The following LPO variants were observed in gnomAD, a reference collection of about 807,000 sequenced individuals.
LPO encodes lactoperoxidase.
A neutral mutation model predicts 68.4 loss-of-function variants in LPO; 70 were observed. The ratio of observed to expected loss-of-function variants is 1.02; its 90% CI spans 0.84 to 1.25. The LOEUF is 1.25. LPO is among the 50% of genes most tolerant of loss of function. The pLI is 0.00. For missense variants in LPO, 873 were observed against 908.4 expected, an observed-to-expected ratio of 0.96 and a Z score of 0.50; for synonymous variants, 360 against 357.6, an observed-to-expected ratio of 1.01 and a Z score of -0.08.
intron 9 of LPO, among the ~76,000 whole-genome samples, chr17:58,259,053 A>G (rs1383338573): frequency 2.0e-5 from 3 of 151,976 alleles, no homozygotes; most frequent in South Asian, 4.2e-4. Flanking sequence ...CCTCTTAAGA[A>G]GGTCTTTTGT....
chr17:58,246,162 C>G (rs1031901324), intron 3 of LPO, among the ~76,000 whole-genome samples: 6 of 152,124 alleles, frequency 3.9e-5, no homozygotes, highest in African/African-American at 1.4e-4. Context: ...GGTGGCATTC[C>G]AGGCACTGCA....
intron 9 of LPO, among the ~76,000 whole-genome samples, chr17:58,256,843 A>AG (rs1970082817): frequency 6.6e-6 from 1 of 150,682 alleles, no homozygotes; most frequent in Non-Finnish European, 1.5e-5. Context: ...AAAAAAAAAA[A>AG]GAATGAGGTA....
Position 58,266,225 on chromosome 17 carries a change from C to T in LPO, c.1592C>T (p.Thr531Ile), listed in dbSNP as rs771817309. ...CTGATGAAACAGAATAAAATGATGA[C>T]TGGAGAGCTGCGCAACAAGCTTTTC... The part of the protein sequence containing the change: ...SKLMKQNKMM[T>I]GELRNKLFQP... Residue 531 changes from threonine (T) to isoleucine (I), a missense_variant, in exon 11 of 13, where the codon ACT (threonine) becomes ATT (isoleucine). Physicochemically the swap from Thr to Ile is moderately conservative, Grantham distance 89 (BLOSUM62 -1). Transcript: ENST00000262290. The T allele has an allele frequency of 6.2e-7, 1 of 1,614,128 alleles. No homozygotes were observed. Among genetic ancestry groups the T allele is most frequent in the South Asian group, 1.1e-5 (1 of 91,082 alleles).
intron 5 of LPO, 91 bp downstream of exon 5, chr17:58,249,268 C>T (rs1969910831): frequency 2.5e-6 from 3 of 1,180,360 alleles, no homozygotes; most frequent in South Asian, 2.8e-5. Context: ...CTAGGCAGAT[C>T]TGCCACTGCC....
chr17:58,249,448 G>C, intron 5 of LPO, 118 bp from the exon 6 acceptor site: 10 of 1,419,840 alleles, frequency 7.0e-6, no homozygotes, highest in Non-Finnish European at 8.4e-6. Context: ...AAATTTGAGA[G>C]GCCCCCTTCT....
intron 9 of LPO, among the ~76,000 whole-genome samples, chr17:58,264,332 T>C (rs1416923739): frequency 6.6e-6 from 1 of 152,222 alleles, no homozygotes; most frequent in Non-Finnish European, 1.5e-5. Context: ...CTTTCCTCAG[T>C]TGCCCCTGAA....
chr17:58,267,968 T>C lies in LPO; in HGVS notation c.2113T>C (p.Ser705Pro), dbSNP rs747680064. ...DCSAIDKLDL[S>P]PWASVKN The stretch of plus-strand genomic sequence containing the variant: ...CTCAGCCATCGACAAGCTGGACCTG[T>C]CACCCTGGGCCTCAGTGAAGAATTA... Residue 705 changes from serine (S) to proline (P), a missense_variant, in exon 13 of 13, where the codon TCA (serine) becomes CCA (proline). By Grantham distance (74) the Ser-to-Pro change is moderately conservative. Coordinates refer to ENST00000262290, the MANE Select transcript of LPO (RefSeq NM_006151.3). 5.6e-6 allele frequency: 9 copies of C among 1,613,810 alleles called. No homozygotes were observed. In the South Asian group the frequency reaches 8.8e-5, roughly 16 times the overall value.
At chr17:58,242,368 A>G (rs1969774205) in intron 1 of LPO, among the ~76,000 whole-genome samples, 1 of 152,166 alleles carries the variant, frequency 6.6e-6, no homozygotes, top group African/African-American at 2.4e-5. Flanking sequence ...CAGTATTGCC[A>G]TCAAGTTGGC....
At chr17:58,260,006 A>G (rs932129196) in intron 9 of LPO, among the ~76,000 whole-genome samples, 2 of 151,728 alleles carry the variant, frequency 1.3e-5, no homozygotes, top group Admixed American at 1.3e-4. Context: ...GTAGAGACAG[A>G]GTTTCACCAT....
In LPO at chr17:58,243,055, G is replaced by C; in HGVS notation, c.76G>C (p.Ala26Pro). ...TCAGGCTGCAGCATCTACCACAAGA[G>C]GTGAGTGTCTCCCTTTACGGGTTTT... The part of the protein sequence containing the change: ...LLQAAASTTR[A>P]QTTRTSAISD... The change falls in exon 2 of 13, where the codon GCG (alanine) becomes CCG (proline). Residue 26 changes from alanine to proline, a missense_variant and splice_region_variant. Transcript: ENST00000262290. 6.2e-7 allele frequency: 1 copy of C among 1,613,860 alleles called. No homozygotes were observed. Among genetic ancestry groups the C allele is most frequent in the Non-Finnish European group, 8.5e-7 (1 of 1,179,994 alleles).
intron 3 of LPO, 115 bp from the exon 4 acceptor site, chr17:58,247,363 T>A: frequency 1.2e-6 from 1 of 842,584 alleles, no homozygotes. Flanking sequence ...TATTGGACAG[T>A]GCAGCAGCTG....
chr17:58,248,836 T>C (rs1357206778), intron 4 of LPO, among the ~76,000 whole-genome samples: 2 of 152,294 alleles, frequency 1.3e-5, no homozygotes, highest in East Asian at 3.9e-4. Context: ...CTTGGGCAAG[T>C]CTCTTGAACA....
chr17:58,264,518 A>G (rs1970223999), intron 9 of LPO, among the ~76,000 whole-genome samples: 1 of 152,256 alleles, frequency 6.6e-6, no homozygotes, highest in Non-Finnish European at 1.5e-5. Flanking sequence ...GACAAATCGT[A>G]AGAGATCAGC....
At chr17:58,252,086 A>G (rs1969968035) in intron 7 of LPO, 96 bp from the exon 8 acceptor site, 3 of 1,142,354 alleles carry the variant, frequency 2.6e-6, no homozygotes, top group South Asian at 1.4e-5. Context: ...GGAGGGTGCC[A>G]TCAGCATCTT....
At chr17:58,244,340 T>C (rs775360050) in intron 3 of LPO, 6 of 478,598 alleles carry the variant, frequency 1.3e-5, no homozygotes, top group Non-Finnish European at 2.2e-5. Flanking sequence ...AGGACTTTCT[T>C]CCACGTGGCC....
rs778807820 is a variant in LPO, at chr17:58,252,219, A to C, written c.818A>C (p.Lys273Thr). 16 of 1,614,016 alleles carry C rather than the reference A, an allele frequency of 9.9e-6. No individual in the cohort carries two copies. Among genetic ancestry groups the C allele is most frequent in the Admixed American group, 1.7e-5 (1 of 59,992 alleles). ...GACCCCAAGGCGGGGACTCAAGGGA[A>C]ATGCATGCCTTTCTTCCGAGCTGGG... ...PNDPKAGTQG[K>T]CMPFFRAGFV... The change falls in exon 8 of 13, where the codon AAA becomes ACA. Residue 273 changes from lysine (K) to threonine (T), a missense_variant. By Grantham distance (78) the Lys-to-Thr change is moderately conservative (BLOSUM62 -1). Transcript: ENST00000262290.
At chr17:58,265,158 G>A (rs1436114815) in intron 10 of LPO, among the ~76,000 whole-genome samples, 184 bp downstream of exon 10, 1 of 152,138 alleles carries the variant, frequency 6.6e-6, no homozygotes, top group Non-Finnish European at 1.5e-5. Context: ...ATCTCACGAG[G>A]CTATCCAAAA....
At chr17:58,262,971 A>C (rs1019898498) in intron 9 of LPO, among the ~76,000 whole-genome samples, 2 of 152,104 alleles carry the variant, frequency 1.3e-5, no homozygotes, top group African/African-American at 4.8e-5. Flanking sequence ...TGAATGCCAG[A>C]TCTTTTGTTA....
At chr17:58,262,623 C>T (rs1036823478) in intron 9 of LPO, among the ~76,000 whole-genome samples, 1 of 152,164 alleles carries the variant, frequency 6.6e-6, no homozygotes, top group Non-Finnish European at 1.5e-5. Context: ...AAACTCCTGA[C>T]CTCAGATGAT....
Sources: gnomAD v4.1 joint callset for allele counts (sites outside exome capture counted in the v4.1 genomes callset) on GRCh38, gnomAD v4.1.1 for gene constraint, MANE v1.5 for transcripts, NCBI Gene and HGNC (gene_info 2026-07-23, HGNC 2026-07-21) for gene names.